Variants in PER3 observed in about 807,000 individuals in gnomAD.
PER3 encodes the protein period circadian regulator 3.
PER3 carries 107 observed loss-of-function variants against 127.2 expected under a neutral mutation model. The observed-to-expected ratio is 0.84, with a 90% CI of 0.72 to 0.99. The LOEUF is 0.99. PER3 is among the 50% of genes least tolerant of loss of function. PER3 has a pLI of 0.00. For synonymous variants in PER3, 618 were observed against 585.8 expected, an observed-to-expected ratio of 1.05 and a Z score of -0.79; for missense variants, 1,560 against 1,525.8, an observed-to-expected ratio of 1.02 and a Z score of -0.37.
chr1:7,786,112 C>T lies in PER3; in HGVS notation c.274+526C>T, dbSNP rs527951267. On this transcript the variant is annotated intron_variant, in intron 3 of 21. Coordinates refer to ENST00000377532, the MANE Select transcript of PER3 (RefSeq NM_001377275.1). ...TCTACTAAAAATACAAAAAATTAGC[C>T]GGGTGTGGTGGCGGGCGCCTGTAGT... 1.5e-3 allele frequency among the ~76,000 whole-genome samples: 235 copies of T among 152,150 alleles called. 1 individual carries two copies. Among genetic ancestry groups the T allele is most frequent in the African/African-American group, 5.1e-3 (213 of 41,502 alleles).
chr1:7,811,367 A>G (rs1019653682), intron 13 of PER3: 8 of 152,230 alleles, frequency 5.3e-5, no homozygotes, highest in African/African-American at 1.2e-4. Context: ...CATGATTTAC[A>G]CCACAGAAAG....
chr1:7,825,433 C>T (rs1319240205), intron 16 of PER3, among the ~76,000 whole-genome samples: 5 of 152,104 alleles, frequency 3.3e-5, no homozygotes, highest in Middle Eastern at 3.2e-3. Context: ...AATGGAACTC[C>T]GCAGCAGTGT....
At chr1:7,799,281 C>T (rs1330546631) in intron 7 of PER3, among the ~76,000 whole-genome samples, 2 of 151,978 alleles carry the variant, frequency 1.3e-5, no homozygotes, top group African/African-American at 2.4e-5. Context: ...AGCTTAGTTG[C>T]GTATTAAAAA....
In PER3 at chr1:7,826,533, C is replaced by T. The variant is rs754474032; in HGVS notation, c.2011C>T (p.Pro671Ser). The T allele has an allele frequency of 3.8e-5, 62 of 1,613,964 alleles. No individual in the cohort carries two copies. The highest frequency in any genetic ancestry group is 4.9e-5 in the Non-Finnish European group (58 of 1,179,982). Residue 671 changes from proline (P) to serine (S), a missense_variant, in exon 17 of 22, where the codon CCT (proline) becomes TCT (serine). Physicochemically the swap from Pro to Ser is moderately conservative, Grantham distance 74. Transcript: ENST00000377532. The surrounding 1 kb of genome is among the most constrained non-coding windows in gnomAD (Gnocchi z 4.2). The stretch of plus-strand genomic sequence containing the variant: ...CTGGACCCTGAACATGCAGCCAGCC[C>T]CTTTGACCTCGGAAGAATTTAAACA... Reference protein sequence around the residue: ...EPWTLNMQPAPLTSEEFKHVG... With the variant: ...EPWTLNMQPASLTSEEFKHVG...
Position 7,819,352 on chromosome 1 carries a change from T to C in PER3, c.1590T>C (p.Cys530=). Residue 530 remains cysteine (C), a synonymous_variant, in exon 14 of 22, where the codon TGT becomes TGC. Transcript: ENST00000377532. ...LKNNSVYTEP[C]EDLRNDEHSP... is the part of the protein sequence containing the mutation. ...ACAATAGTGTGTACACTGAGCCCTG[T>C]GAGGATTTGAGGAACGATGAGCACA... 6.2e-7 allele frequency: 1 copy of C among 1,613,682 alleles called. No individual in the cohort carries two copies. Among genetic ancestry groups the C allele is most frequent in the Non-Finnish European group, 8.5e-7 (1 of 1,179,622 alleles).
At chr1:7,814,725 C>T (rs933798844) in intron 13 of PER3, among the ~76,000 whole-genome samples, 13 of 152,070 alleles carry the variant, frequency 8.5e-5, no homozygotes, top group Admixed American at 7.9e-4. Flanking sequence ...TGGACTAAAG[C>T]AAAACCAGCA....
chr1:7,829,937 GCGCTCTGTCC>G lies in PER3; in HGVS notation c.2991_3000del (p.Ser997ArgfsTer7). On this transcript the variant is annotated frameshift_variant, in exon 19 of 22. Transcript: ENST00000377532. LOFTEE classifies it high-confidence loss of function. ...GAGAATCCATCCCATCCTACTGCCAGCGCTCTGTCCACAGGATCGCCTCCCATGAAGAATC... is the reference window on the plus strand; with the variant it reads ...GAGAATCCATCCCATCCTACTGCCAGACAGGATCGCCTCCCATGAAGAATC... The G allele has an allele frequency of 3.6e-5, 46 of 1,279,516 alleles. No individual in the cohort carries two copies. The highest frequency in any genetic ancestry group is 4.8e-5 in the Admixed American group (2 of 41,504). 79.3% of individuals were successfully genotyped at this position (1,279,516 alleles called of 1,614,324 possible). A position where few individuals can be genotyped will look rare whatever the true frequency, so the allele number is the denominator to read the frequency against.
At chr1:7,820,441 A>T in intron 15 of PER3, 26 bp from the exon 16 acceptor site, 1 of 1,579,320 alleles carries the variant, frequency 6.3e-7, no homozygotes, top group Admixed American at 1.9e-5. Flanking sequence ...TTTTCTTTTC[A>T]CTGTCAGTTT....
chr1:7,785,728 C>T (rs1208265996), intron 3 of PER3, 142 bp downstream of exon 3: 5 of 655,768 alleles, frequency 7.6e-6, no homozygotes, highest in South Asian at 2.0e-5. Flanking sequence ...AAATCTACAC[C>T]GATTCCATTC....
chr1:7,807,841 A>C (rs1010981566), intron 10 of PER3, among the ~76,000 whole-genome samples: 1 of 152,176 alleles, frequency 6.6e-6, no homozygotes, highest in Non-Finnish European at 1.5e-5. Flanking sequence ...CTGCCAGGCC[A>C]CCTGGAAAAG....
chr1:7,827,737 C>T lies in PER3; in HGVS notation c.2808C>T (p.Asn936=), dbSNP rs199686153. 3.1e-6 allele frequency: 5 copies of T among 1,614,146 alleles called. No homozygotes were observed. The highest frequency in any genetic ancestry group is 4.2e-6 in the Non-Finnish European group (5 of 1,180,024). Residue 936 remains asparagine, a synonymous_variant, in exon 18 of 22, where the codon AAC becomes AAT. Coordinates refer to ENST00000377532, the MANE Select transcript of PER3 (RefSeq NM_001377275.1). ...TSRSSSPLQL[N]LLQEEMPRPS... is the part of the protein sequence containing the mutation. ...GAAGCAGCTCACCCTTGCAGTTAAA[C>T]TTACTTCAGGAAGAGATGCCCAGAC... is the stretch of plus-strand genomic sequence containing the variant.
chr1:7,840,951 C>T (rs2097384019), intron 21 of PER3, among the ~76,000 whole-genome samples: 1 of 152,162 alleles, frequency 6.6e-6, no homozygotes, highest in Non-Finnish European at 1.5e-5. Context: ...CTTTGTCTCG[C>T]AATTCTTTCA....
In PER3 at chr1:7,827,163, G is replaced by T; in HGVS notation, c.2234G>T (p.Gly745Val). The T allele has an allele frequency of 6.2e-7, 1 of 1,611,642 alleles. No individual in the cohort carries two copies. Among genetic ancestry groups the T allele is most frequent in the Non-Finnish European group, 8.5e-7 (1 of 1,179,096 alleles). ...KQTRSAGCRK[G>V]KHKRKKLPEP... ...ACGCGGTCGGCCGGCTGCAGGAAAGGGAAGCACAAGCGGAAGAAGCTGCCG... is the reference window on the plus strand; with the variant it reads ...ACGCGGTCGGCCGGCTGCAGGAAAGTGAAGCACAAGCGGAAGAAGCTGCCG... Residue 745 changes from glycine to valine, a missense_variant, in exon 18 of 22, where the codon GGG (glycine) becomes GTG (valine). Physicochemically the swap from Gly to Val is moderately radical, Grantham distance 109. This residue lies in a region of PER3 where 1,332 missense variants were observed against 1,223.6 expected (regional missense o/e 1.09). Coordinates refer to ENST00000377532, the MANE Select transcript of PER3 (RefSeq NM_001377275.1).
At chr1:7,828,778 A>G (rs2097314717) in intron 18 of PER3, among the ~76,000 whole-genome samples, 1 of 152,176 alleles carries the variant, frequency 6.6e-6, no homozygotes, top group Non-Finnish European at 1.5e-5. Flanking sequence ...TGAATCCCTC[A>G]TAGCTTACTC....
intron 10 of PER3, among the ~76,000 whole-genome samples, chr1:7,806,811 AAATATATATAT>A (rs1398293271): frequency 1.3e-5 from 1 of 79,402 alleles, no homozygotes; most frequent in Admixed American, 1.5e-4. Flanking sequence ...AAAAAAAAAA[AAATATATATAT>A]ATATATATAT....
At chr1:7,793,335 T>C (rs2097130414) in intron 5 of PER3, among the ~76,000 whole-genome samples, 1 of 152,166 alleles carries the variant, frequency 6.6e-6, no homozygotes, top group Admixed American at 6.5e-5. Flanking sequence ...ATAAAATGGG[T>C]GCAGAAATCA....
At chr1:7,834,112 G>A (rs2097346210) in intron 19 of PER3, among the ~76,000 whole-genome samples, 1 of 152,042 alleles carries the variant, frequency 6.6e-6, no homozygotes, top group African/African-American at 2.4e-5. Context: ...TATAGACGGA[G>A]TTTCACCATG....
chr1:7,825,255 T>C (rs967025224), intron 16 of PER3, among the ~76,000 whole-genome samples: 2 of 152,128 alleles, frequency 1.3e-5, no homozygotes, highest in Admixed American at 6.5e-5. Context: ...AAATCTTTTG[T>C]TGTTAGAAGT....
chr1:7,841,248 G>T (rs545190940), intron 21 of PER3, among the ~76,000 whole-genome samples: 2 of 152,082 alleles, frequency 1.3e-5, no homozygotes, highest in East Asian at 3.9e-4. Context: ...GGTCGCACAA[G>T]CTGGGGCTGT....
Sources: allele counts gnomAD v4.1 joint callset (sites outside exome capture counted in the v4.1 genomes callset), GRCh38; gene constraint gnomAD v4.1.1; regional missense constraint gnomAD v4.1.1; non-coding constraint Gnocchi (gnomAD v3.1); transcripts MANE v1.5; gene names NCBI Gene and HGNC (gene_info 2026-07-23, HGNC 2026-07-21).